VWC2: variants seen among roughly 807,000 people sequenced by gnomAD.
VWC2 encodes the protein brorin.
A neutral mutation model predicts 29.8 loss-of-function variants in VWC2; 14 were observed. The observed-to-expected ratio is 0.47, with a 90% CI of 0.31 to 0.74. The LOEUF is 0.74. Among genes scored for constraint, VWC2 ranks in the 30% least tolerant of loss-of-function variants. VWC2 has a pLI of 0.05. For synonymous variants in VWC2, 213 were observed against 199.0 expected, an observed-to-expected ratio of 1.07 and a Z score of -0.59; for missense variants, 457 against 459.8, an observed-to-expected ratio of 0.99 and a Z score of 0.05.
At chr7:49,826,443 A>T (rs947385013) in intron 3 of VWC2, among the ~76,000 whole-genome samples, 33 of 152,240 alleles carry the variant, frequency 2.2e-4, no homozygotes, top group African/African-American at 7.7e-4. Flanking sequence ...AGACTCACAG[A>T]CAGTCATTCA....
At chr7:49,814,196 A>G (rs961034998) in intron 3 of VWC2, among the ~76,000 whole-genome samples, 4 of 152,178 alleles carry the variant, frequency 2.6e-5, no homozygotes, top group African/African-American at 9.7e-5. Flanking sequence ...ATTTATTCTT[A>G]TTAGAGAAGA....
In VWC2 at chr7:49,856,281, G is replaced by T. The variant is rs182921100; in HGVS notation, c.826+53441G>T. Among the ~76,000 whole-genome samples, 71 of 152,186 alleles carry T rather than the reference G, an allele frequency of 4.7e-4. 1 individual carries two copies. The highest frequency in any genetic ancestry group is 1.5e-3 in the African/African-American group (63 of 41,526). The stretch of plus-strand genomic sequence containing the variant: ...GGTGCTCTCCCCTTGGTAATGAGTG[G>T]GTTCTCAATCTATTATCTCAAGTGA... On this transcript the variant is annotated intron_variant, in intron 3 of 3. Transcript: ENST00000340652.
chr7:49,811,821 C>G (rs907458950), intron 3 of VWC2, among the ~76,000 whole-genome samples: 3 of 152,154 alleles, frequency 2.0e-5, no homozygotes, highest in Non-Finnish European at 4.4e-5. Context: ...TATATCCCAG[C>G]AAAATGAGAA....
At chr7:49,786,715 G>T (rs945422278) in intron 2 of VWC2, among the ~76,000 whole-genome samples, 14 of 152,138 alleles carry the variant, frequency 9.2e-5, no homozygotes, top group African/African-American at 3.4e-4. Context: ...ATTATGATTT[G>T]TGTTTGTCTG....
chr7:49,811,652 A>T lies in VWC2; in HGVS notation c.826+8812A>T, dbSNP rs149967961. On this transcript the variant is annotated intron_variant, in intron 3 of 3. Coordinates refer to ENST00000340652, the MANE Select transcript of VWC2 (RefSeq NM_198570.5). The stretch of plus-strand genomic sequence containing the variant: ...ACCCCATTAGAATGTTTGTAATAAA[A>T]AGGACAGAAAGTACAGATGTTGGCA... 1.4e-4 allele frequency among the ~76,000 whole-genome samples: 21 copies of T among 152,360 alleles called. 1 individual carries two copies. Among genetic ancestry groups the T allele is most frequent in the Middle Eastern group, 6.8e-3 (2 of 294 alleles).
chr7:49,782,473 G>A (rs1439480795), intron 2 of VWC2, among the ~76,000 whole-genome samples: 1 of 151,944 alleles, frequency 6.6e-6, no homozygotes, highest in Non-Finnish European at 1.5e-5. Flanking sequence ...TCTGAACGGT[G>A]GGGTGAATGG....
At position 49,775,804 on chromosome 7, in the gene VWC2, G is replaced by C. The variant is rs1271991500; in HGVS notation, c.369G>C (p.Leu123=). Residue 123 remains leucine (L), a synonymous_variant, in exon 2 of 4, where the codon CTG becomes CTC. Coordinates refer to ENST00000340652, the MANE Select transcript of VWC2 (RefSeq NM_198570.5). ...PRGDTPQAEA[L]AAAAQDAIGP... Reference sequence around the variant, plus strand: ...GGGACACCCCGCAGGCGGAAGCCCTGGCCGCAGCCGCCCAGGACGCGATTG... The same window carrying C: ...GGGACACCCCGCAGGCGGAAGCCCTCGCCGCAGCCGCCCAGGACGCGATTG... The C allele has an allele frequency of 4.6e-6, 7 of 1,537,428 alleles. No homozygotes were observed. Among genetic ancestry groups the C allele is most frequent in the Non-Finnish European group, 6.1e-6 (7 of 1,141,906 alleles).
At chr7:49,864,262 AAAG>A (rs1790789539) in intron 3 of VWC2, among the ~76,000 whole-genome samples, 1 of 151,596 alleles carries the variant, frequency 6.6e-6, no homozygotes, top group Admixed American at 6.6e-5. Flanking sequence ...GAAAGAAGAC[AAAG>A]AAGGAGGGAG....
At chr7:49,908,046 A>G (rs1793202161) in intron 3 of VWC2, among the ~76,000 whole-genome samples, 1 of 152,222 alleles carries the variant, frequency 6.6e-6, no homozygotes, top group Non-Finnish European at 1.5e-5. Flanking sequence ...TTGCAGGGCC[A>G]TTTCAAAATA....
chr7:49,780,325 C>T (rs992158607), intron 2 of VWC2, among the ~76,000 whole-genome samples: 1 of 152,086 alleles, frequency 6.6e-6, no homozygotes, highest in African/African-American at 2.4e-5. Context: ...TAAAAGGTGA[C>T]TAAGGGTAGG....
At position 49,775,708 on chromosome 7, in the gene VWC2, C is replaced by G; in HGVS notation, c.273C>G (p.Ser91Arg). ...GRGLAGREPW[S>R]KLKQAWVSQG... ...GGCTCGCCGGCCGTGAGCCGTGGAGCAAGCTGAAGCAGGCCTGGGTCTCCC... is the reference window on the plus strand; with the variant it reads ...GGCTCGCCGGCCGTGAGCCGTGGAGGAAGCTGAAGCAGGCCTGGGTCTCCC... The change falls in exon 2 of 4, where the codon AGC (serine) becomes AGG (arginine). Residue 91 changes from serine (S) to arginine (R), a missense_variant. Transcript: ENST00000340652. 1 of 1,522,422 alleles carries G rather than the reference C, an allele frequency of 6.6e-7. No homozygotes were observed. Among genetic ancestry groups the G allele is most frequent in the African/African-American group, 1.4e-5 (1 of 70,748 alleles). The allele number at this position is 1,522,422 out of a possible 1,614,324, so 94.3% of individuals were successfully genotyped here.
intron 3 of VWC2, among the ~76,000 whole-genome samples, chr7:49,888,231 C>T (rs1243291264): frequency 1.3e-5 from 2 of 152,160 alleles, no homozygotes; most frequent in Non-Finnish European, 2.9e-5. Flanking sequence ...CACTAAGTTT[C>T]CTTTTTCCTT....
At chr7:49,820,382 A>G (rs1455860869) in intron 3 of VWC2, among the ~76,000 whole-genome samples, 6 of 152,114 alleles carry the variant, frequency 3.9e-5, no homozygotes, top group Non-Finnish European at 5.9e-5. Flanking sequence ...TCCCATGAGT[A>G]ATGAAAGCCT....
At chr7:49,792,823 C>T (rs552400407) in intron 2 of VWC2, among the ~76,000 whole-genome samples, 2 of 152,256 alleles carry the variant, frequency 1.3e-5, no homozygotes, top group South Asian at 2.1e-4. Context: ...GAGAAGGGAA[C>T]GTGGGATTCC....
intron 2 of VWC2, among the ~76,000 whole-genome samples, chr7:49,792,902 C>T (rs2128704163): frequency 6.6e-6 from 1 of 152,290 alleles, no homozygotes; most frequent in African/African-American, 2.4e-5. Flanking sequence ...ACAGGGCACG[C>T]TGAGGTATGA....
chr7:49,868,438 A>G (rs1462325183), intron 3 of VWC2, among the ~76,000 whole-genome samples: 2 of 152,204 alleles, frequency 1.3e-5, no homozygotes, highest in Admixed American at 6.5e-5. Context: ...ATTCAGAGCC[A>G]CCATGTCTAC....
At chr7:49,803,820 C>T (rs1049221439) in intron 3 of VWC2, among the ~76,000 whole-genome samples, 4 of 152,134 alleles carry the variant, frequency 2.6e-5, no homozygotes, top group Middle Eastern at 3.4e-3. Context: ...CGAAATTGTG[C>T]GGGCCATGAG....
At chr7:49,823,584 G>A (rs1232689044) in intron 3 of VWC2, among the ~76,000 whole-genome samples, 1 of 152,142 alleles carries the variant, frequency 6.6e-6, no homozygotes, top group Non-Finnish European at 1.5e-5. Context: ...AAATATCCTG[G>A]GGCCCCCGGC....
Position 49,921,753 on chromosome 7 carries a change from T to G in VWC2, c.*9568T>G, listed in dbSNP as rs1794029234. On this transcript the variant is annotated 3_prime_UTR_variant, in exon 4 of 4. Transcript: ENST00000340652. ...TAGTGCTCATTTGAAAAATATTTTA[T>G]CCTCATGTTTACATTTAACACATAT... 1 of 151,748 alleles carries G rather than the reference T, an allele frequency of 6.6e-6. No homozygotes were observed. The highest frequency in any genetic ancestry group is 2.1e-4 in the South Asian group (1 of 4,838). 9.4% of individuals were successfully genotyped at this position (151,748 alleles called of 1,614,324 possible).
Sources: allele counts gnomAD v4.1 joint callset (sites outside exome capture counted in the v4.1 genomes callset), GRCh38; gene constraint gnomAD v4.1.1; transcripts MANE v1.5; gene names NCBI Gene and HGNC (gene_info 2026-07-23, HGNC 2026-07-21).